The following RYR2 variants were observed in gnomAD, a reference collection of about 807,000 sequenced individuals.
RYR2 encodes ryanodine receptor 2, also known as cardiac muscle ryanodine receptor-calcium release channel.
In RYR2, 227 loss-of-function variants were observed where a neutral mutation model predicts 601.1. The observed-to-expected ratio is 0.38, with a 90% CI of 0.34 to 0.42. The LOEUF is 0.42. RYR2 is among the 10% of genes least tolerant of loss of function. The pLI, the probability that RYR2 is intolerant of heterozygous loss-of-function variation, is 1.00. For synonymous variants in RYR2, 2,223 were observed against 2,175.1 expected (o/e 1.02, Z -0.61); for missense variants, 4,646 against 6,156.5 (o/e 0.75, Z 8.21).
At chr1:237,276,847 C>T (rs1690337432) in intron 2 of RYR2, among the ~76,000 whole-genome samples, 1 of 152,070 alleles carries the variant, frequency 6.6e-6, no homozygotes, top group Admixed American at 6.6e-5. Context: ...GCGCCAAGGT[C>T]GGATACTCCC....
chr1:237,096,055 G>T (rs1667474182), intron 1 of RYR2, among the ~76,000 whole-genome samples: 1 of 152,162 alleles, frequency 6.6e-6, no homozygotes, highest in Admixed American at 6.5e-5. Flanking sequence ...ACGGGAAAAT[G>T]ATGAAGGTCA....
intron 2 of RYR2, among the ~76,000 whole-genome samples, chr1:237,327,531 C>T (rs188008614): frequency 1.3e-5 from 2 of 152,206 alleles, no homozygotes; most frequent in Non-Finnish European, 2.9e-5. Flanking sequence ...TTAAATGTTA[C>T]CGGAAAGTGT....
chr1:237,729,925 A>T (rs1418728952), intron 76 of RYR2, among the ~76,000 whole-genome samples: 1 of 152,128 alleles, frequency 6.6e-6, no homozygotes, highest in Non-Finnish European at 1.5e-5. Flanking sequence ...AATCAATGCG[A>T]TTTACATCCT....
intron 101 of RYR2, 36 bp from the exon 102 acceptor site, chr1:237,828,345 T>C: frequency 7.0e-7 from 1 of 1,422,976 alleles, no homozygotes. Context: ...ATTCATTGCT[T>C]GATAAAGATT....
chr1:237,777,889 A>T (rs1464542314), intron 87 of RYR2, among the ~76,000 whole-genome samples: 1 of 152,208 alleles, frequency 6.6e-6, no homozygotes, highest in Admixed American at 6.5e-5. Flanking sequence ...AAGAAATTTG[A>T]TTGGTAAAAG....
At chr1:237,761,520 A>G (rs1261560099) in intron 84 of RYR2, among the ~76,000 whole-genome samples, 2 of 152,156 alleles carry the variant, frequency 1.3e-5, no homozygotes, top group East Asian at 3.9e-4. Flanking sequence ...CATGTTTGCA[A>G]GTCTAGATTG....
intron 1 of RYR2, among the ~76,000 whole-genome samples, chr1:237,053,439 T>G (rs1286507522): frequency 2.6e-5 from 4 of 152,142 alleles, no homozygotes; most frequent in African/African-American, 7.2e-5. Flanking sequence ...GGGGTGTCAT[T>G]ATTAAGTCTA....
chr1:237,404,590 C>T (rs1703691410), intron 10 of RYR2, among the ~76,000 whole-genome samples: 1 of 152,206 alleles, frequency 6.6e-6, no homozygotes, highest in Non-Finnish European at 1.5e-5. Flanking sequence ...CCCAGCTATA[C>T]ACATCCTGTA....
At chr1:237,771,926 TA>T (rs1694303233) in intron 85 of RYR2, 85 bp from the exon 86 acceptor site, 1 of 727,242 alleles carries the variant, frequency 1.4e-6, no homozygotes, top group African/African-American at 1.8e-5. Context: ...GATTTTGCCA[TA>T]GAAAGCATTT....
Position 237,284,619 on chromosome 1 carries a change from T to C in RYR2, c.168+14003T>C, listed in dbSNP as rs534284393. On this transcript the variant is annotated intron_variant, in intron 2 of 104. Transcript: ENST00000366574. Reference sequence around the variant, plus strand: ...ACCCACACACACATACACACCACAGTATGTAGTATATATGTATAGTGTGTG... The same window carrying C: ...ACCCACACACACATACACACCACAGCATGTAGTATATATGTATAGTGTGTG... Among the ~76,000 whole-genome samples, 58 of 126,596 alleles carry C rather than the reference T, an allele frequency of 4.6e-4. No homozygotes were observed. In the East Asian group the frequency reaches 0.012, roughly 26 times the overall value. The allele number at this position is 126,596 out of a possible 152,430, so 83.1% of individuals were successfully genotyped here. A position where few individuals can be genotyped will look rare whatever the true frequency, so the allele number is the denominator to read the frequency against.
In RYR2 at chr1:237,484,723, A is replaced by C. The variant is rs559656692; in HGVS notation, c.1709-7083A>C. Among the ~76,000 whole-genome samples the C allele has an allele frequency of 5.3e-4, 81 of 152,316 alleles. 1 individual carries two copies. Among genetic ancestry groups the C allele is most frequent in the African/African-American group, 1.9e-3 (78 of 41,560 alleles). ...ATAGCAAAGTCAACTTTGATCTCTA[A>C]TGAAGTTCCTACAGATTTGTAAGTC... is the stretch of plus-strand genomic sequence containing the variant. On this transcript the variant is annotated intron_variant, in intron 17 of 104. Coordinates refer to ENST00000366574, the MANE Select transcript of RYR2 (RefSeq NM_001035.3).
At chr1:237,558,200 T>C (rs775850909) in intron 27 of RYR2, among the ~76,000 whole-genome samples, 2 of 152,106 alleles carry the variant, frequency 1.3e-5, no homozygotes, top group African/African-American at 4.8e-5. Context: ...GAAGTAAAGA[T>C]TGAAGACGCT....
intron 7 of RYR2, among the ~76,000 whole-genome samples, chr1:237,376,372 G>T (rs1701035419): frequency 6.6e-6 from 1 of 152,110 alleles, no homozygotes; most frequent in African/African-American, 2.4e-5. Context: ...CCTATAATAG[G>T]CTAGCAGGAG....
chr1:237,506,319 C>T (rs1012732513), intron 22 of RYR2, among the ~76,000 whole-genome samples: 7 of 152,074 alleles, frequency 4.6e-5, no homozygotes, highest in African/African-American at 1.4e-4. Flanking sequence ...GGGCGGATCA[C>T]GAGGTCAGGA....
chr1:237,055,365 T>C (rs1661859655), intron 1 of RYR2, among the ~76,000 whole-genome samples: 1 of 152,036 alleles, frequency 6.6e-6, no homozygotes, highest in African/African-American at 2.4e-5. Context: ...TTAGAAAGAT[T>C]AATGGGGCAG....
intron 51 of RYR2, among the ~76,000 whole-genome samples, chr1:237,652,955 A>G (rs1682910856): frequency 6.6e-6 from 1 of 152,210 alleles, no homozygotes; most frequent in South Asian, 2.1e-4. Flanking sequence ...GTCCACTTTA[A>G]TAACAGTAAT....
intron 70 of RYR2, among the ~76,000 whole-genome samples, chr1:237,711,216 A>G (rs180808136): frequency 6.6e-6 from 1 of 152,318 alleles, no homozygotes; most frequent in Non-Finnish European, 1.5e-5. Context: ...TCATGGGCAT[A>G]TATTAATATA....
chr1:237,732,367 A>G (rs933267697), intron 78 of RYR2, among the ~76,000 whole-genome samples: 10 of 152,290 alleles, frequency 6.6e-5, no homozygotes, highest in South Asian at 2.1e-4. Flanking sequence ...TTTTCTTAAC[A>G]ACTTTGTAAT....
intron 12 of RYR2, among the ~76,000 whole-genome samples, chr1:237,437,709 G>C (rs993836812): frequency 6.6e-6 from 1 of 152,174 alleles, no homozygotes; most frequent in Non-Finnish European, 1.5e-5. Flanking sequence ...ATATCCATAC[G>C]CACCTCTTAG....
Sources: gnomAD v4.1 joint callset for allele counts (sites outside exome capture counted in the v4.1 genomes callset) on GRCh38, gnomAD v4.1.1 for gene constraint, MANE v1.5 for transcripts, NCBI Gene and HGNC (gene_info 2026-07-23, HGNC 2026-07-21) for gene names.